Variants in SMIM20 observed in about 807,000 individuals in gnomAD.
The protein encoded by SMIM20 is small integral membrane protein 20.
A neutral mutation model predicts 8.7 loss-of-function variants in SMIM20; 3 were observed. The ratio of observed to expected loss-of-function variants is 0.34; its 90% CI spans 0.16 to 0.89. SMIM20 has a LOEUF of 0.89. Among genes scored for constraint, SMIM20 ranks in the 40% least tolerant of loss-of-function variants. The pLI is 0.49. For missense variants in SMIM20, 85 were observed against 84.8 expected, an observed-to-expected ratio of 1.00 and a Z score of -0.01; for synonymous variants, 44 against 33.6, an observed-to-expected ratio of 1.31 and a Z score of -1.07.
intron 1 of SMIM20, among the ~76,000 whole-genome samples, chr4:25,926,165 C>T (rs1239480720): frequency 6.6e-6 from 1 of 152,194 alleles, no homozygotes; most frequent in Non-Finnish European, 1.5e-5. Context: ...TACATTTGCT[C>T]TTTTCCAAAG....
At chr4:25,914,450 A>C in intron 1 of SMIM20, 28 bp downstream of exon 1, 4 of 1,438,042 alleles carry the variant, frequency 2.8e-6, no homozygotes, top group Non-Finnish European at 3.7e-6. Flanking sequence ...CCTTGCGGTG[A>C]CCTGACTCCC....
At chr4:25,925,737 G>A (rs1186430264) in intron 1 of SMIM20, among the ~76,000 whole-genome samples, 1 of 152,196 alleles carries the variant, frequency 6.6e-6, no homozygotes, top group African/African-American at 2.4e-5. Flanking sequence ...TGTTGTGAAT[G>A]TTCAAGTAAC....
rs1711520689 is a variant in SMIM20, at chr4:25,926,764, A to G, written c.110-1549A>G. 2.6e-5 allele frequency among the ~76,000 whole-genome samples: 4 copies of G among 152,172 alleles called. No homozygotes were observed. The South Asian group carries it at 8.3e-4, about 31-fold the overall frequency. ...ATTTTATGAAATCTCTAAGTCTAGAATGCTTTCTGATAGTGATTTTTTAAA... is the reference window on the plus strand; with the variant it reads ...ATTTTATGAAATCTCTAAGTCTAGAGTGCTTTCTGATAGTGATTTTTTAAA... On this transcript the variant is annotated intron_variant, in intron 1 of 2. Coordinates refer to ENST00000506197, the MANE Select transcript of SMIM20 (RefSeq NM_001145432.3).
chr4:25,922,903 C>T (rs1719223878), intron 1 of SMIM20, among the ~76,000 whole-genome samples: 1 of 152,204 alleles, frequency 6.6e-6, no homozygotes, highest in South Asian at 2.1e-4. Flanking sequence ...GGGAAGCCTG[C>T]TTAGGTAAAA....
intron 1 of SMIM20, among the ~76,000 whole-genome samples, chr4:25,916,246 T>G (rs965098459): frequency 4.5e-4 from 69 of 152,246 alleles, no homozygotes; most frequent in Middle Eastern, 3.4e-3. Flanking sequence ...TTTTTTCCGC[T>G]GTCACCCAGG....
chr4:25,914,282 C>G lies in SMIM20; in HGVS notation c.-32C>G. 1 of 1,531,962 alleles carries G rather than the reference C, an allele frequency of 6.5e-7. No individual in the cohort carries two copies. The highest frequency in any genetic ancestry group is 8.8e-7 in the Non-Finnish European group (1 of 1,135,218). 94.9% of individuals were successfully genotyped at this position (1,531,962 alleles called of 1,614,324 possible). A position where few individuals can be genotyped will look rare whatever the true frequency, so the allele number is the denominator to read the frequency against. On this transcript the variant is annotated 5_prime_UTR_variant, in exon 1 of 3. Transcript: ENST00000506197. ...CTGGTTTCCGAGAGTGCCGGGCGGT[C>G]GGCGGGTCAGGGCAGCCCGGGGCCT...
intron 1 of SMIM20, among the ~76,000 whole-genome samples, chr4:25,925,657 G>C (rs1277275314): frequency 6.6e-6 from 1 of 152,132 alleles, no homozygotes; most frequent in Non-Finnish European, 1.5e-5. Flanking sequence ...TCCTCCACTA[G>C]AGCACCCTCA....
chr4:25,919,896 A>G (rs534499562), intron 1 of SMIM20, among the ~76,000 whole-genome samples: 26 of 152,290 alleles, frequency 1.7e-4, no homozygotes, highest in African/African-American at 6.3e-4. Flanking sequence ...AGTTAACACC[A>G]TCACTATTGT....
chr4:25,917,982 G>T (rs1255123354), intron 1 of SMIM20, among the ~76,000 whole-genome samples: 1 of 130,996 alleles, frequency 7.6e-6, no homozygotes, highest in Non-Finnish European at 1.5e-5. Flanking sequence ...TCGCTCTTTC[G>T]CCCAGGCTGG....
chr4:25,920,552 AG>A (rs1719178065), intron 1 of SMIM20, among the ~76,000 whole-genome samples: 1 of 152,242 alleles, frequency 6.6e-6, no homozygotes, highest in Admixed American at 6.5e-5. Flanking sequence ...AAAGTAAAAA[AG>A]CTAGCTGAGG....
chr4:25,921,646 G>A (rs756592992), intron 1 of SMIM20, among the ~76,000 whole-genome samples: 1 of 152,214 alleles, frequency 6.6e-6, no homozygotes, highest in African/African-American at 2.4e-5. Flanking sequence ...CTGAGACGCC[G>A]GATGTGAGCT....
At chr4:25,918,336 A>G (rs1577360299) in intron 1 of SMIM20, among the ~76,000 whole-genome samples, 1 of 152,178 alleles carries the variant, frequency 6.6e-6, no homozygotes, top group Non-Finnish European at 1.5e-5. Context: ...TTAATTACAG[A>G]TCAAGCTTCT....
At chr4:25,918,461 T>C (rs1719135877) in intron 1 of SMIM20, among the ~76,000 whole-genome samples, 1 of 152,198 alleles carries the variant, frequency 6.6e-6, no homozygotes, top group African/African-American at 2.4e-5. Context: ...TTATCTCCAC[T>C]GTTCTTCCCC....
At chr4:25,917,981 C>T (rs1474787686) in intron 1 of SMIM20, among the ~76,000 whole-genome samples, 3 of 122,334 alleles carry the variant, frequency 2.5e-5, no homozygotes, top group Non-Finnish European at 3.2e-5. Context: ...CTCGCTCTTT[C>T]GCCCAGGCTG....
At chr4:25,916,410 C>T (rs1197808011) in intron 1 of SMIM20, among the ~76,000 whole-genome samples, 2 of 152,106 alleles carry the variant, frequency 1.3e-5, no homozygotes, top group African/African-American at 2.4e-5. Context: ...CAGGGTTTCA[C>T]CATGTTGGCC....
rs949102877 is a variant in SMIM20 at position 25,929,451 on chromosome 4, C to T, written c.*260C>T. 8 of 433,844 alleles carry T rather than the reference C, an allele frequency of 1.8e-5. No individual in the cohort carries two copies. The highest frequency in any genetic ancestry group is 3.3e-5 in the Non-Finnish European group (8 of 245,134). The allele number at this position is 433,844 out of a possible 1,614,324, so 26.9% of individuals were successfully genotyped here. On this transcript the variant is annotated 3_prime_UTR_variant, in exon 3 of 3. Transcript: ENST00000506197. ...TGATTTTCCAAAAATGAAGCTATCT[C>T]ACCCAGCTGGGTTTGGAGGAGCAAT...
At chr4:25,927,946 C>T (rs1711546156) in intron 1 of SMIM20, among the ~76,000 whole-genome samples, 1 of 152,180 alleles carries the variant, frequency 6.6e-6, no homozygotes, top group Non-Finnish European at 1.5e-5. Context: ...CTTAATTGTA[C>T]TTGTTCCTTC....
intron 1 of SMIM20, among the ~76,000 whole-genome samples, chr4:25,918,973 C>T (rs140476357): frequency 0.016 from 2,199 of 135,612 alleles, 57 homozygotes; most frequent in African/African-American, 0.057. Flanking sequence ...GGCGCAATCT[C>T]GGCTCACTGC....
chr4:25,916,479 T>C (rs1025876959), intron 1 of SMIM20, among the ~76,000 whole-genome samples: 1 of 152,060 alleles, frequency 6.6e-6, no homozygotes, highest in Admixed American at 6.6e-5. Context: ...CCCAAAGTGC[T>C]GGGATTATAG....
Sources: gnomAD v4.1 joint callset for allele counts (sites outside exome capture counted in the v4.1 genomes callset) on GRCh38, gnomAD v4.1.1 for gene constraint, MANE v1.5 for transcripts, NCBI Gene and HGNC (gene_info 2026-07-23, HGNC 2026-07-21) for gene names.